Variants in CDH12 observed in about 807,000 individuals in gnomAD.
The protein encoded by CDH12 is cadherin 12.
In CDH12, 41 loss-of-function variants were observed where a neutral mutation model predicts 74.1. That is an observed-to-expected ratio of 0.55 (90% CI 0.43 to 0.72). The LOEUF (loss-of-function observed/expected upper bound fraction) is 0.72, where lower values mean the gene tolerates loss of function less well. Ranked by LOEUF, CDH12 falls within the 30% of genes least tolerant of loss-of-function variation. The probability of loss-of-function intolerance (pLI) is 0.00; values close to 1 mark genes in which losing one functional copy is unlikely to be tolerated. For synonymous variants in CDH12, 399 were observed against 355.0 expected (o/e 1.12, Z -1.39); for missense variants, 945 against 977.2 (o/e 0.97, Z 0.44).
At chr5:22,430,868 G>A (rs1315673223) in intron 2 of CDH12, among the ~76,000 whole-genome samples, 2 of 151,966 alleles carry the variant, frequency 1.3e-5, no homozygotes, top group African/African-American at 4.8e-5. Flanking sequence ...ATCTCTTGCA[G>A]GTTAAAGATT....
At chr5:22,701,986 T>G (rs1742735278) in intron 1 of CDH12, among the ~76,000 whole-genome samples, 1 of 152,158 alleles carries the variant, frequency 6.6e-6, no homozygotes, top group South Asian at 2.1e-4. Context: ...TAACAAAAAT[T>G]TATTACCTGT....
At chr5:21,936,914 A>G (rs1351475033) in intron 6 of CDH12, among the ~76,000 whole-genome samples, 1 of 152,204 alleles carries the variant, frequency 6.6e-6, no homozygotes, top group Admixed American at 6.5e-5. Flanking sequence ...CACCATGATT[A>G]TAAGTTTACT....
intron 3 of CDH12, among the ~76,000 whole-genome samples, chr5:22,243,164 A>G (rs1368029742): frequency 6.6e-6 from 1 of 152,208 alleles, no homozygotes; most frequent in Non-Finnish European, 1.5e-5. Flanking sequence ...ATATGGAACC[A>G]TGAATAGCTA....
chr5:22,582,556 C>G (rs1194375358), intron 1 of CDH12, among the ~76,000 whole-genome samples: 1 of 152,114 alleles, frequency 6.6e-6, no homozygotes, highest in Non-Finnish European at 1.5e-5. Flanking sequence ...CACAGGAGTA[C>G]CTGAGAGCCT....
chr5:21,878,003 G>A (rs1046907093), intron 6 of CDH12, among the ~76,000 whole-genome samples: 1 of 152,222 alleles, frequency 6.6e-6, no homozygotes, highest in South Asian at 2.1e-4. Flanking sequence ...TCAAAGTCAC[G>A]ATGATGCCAC....
intron 5 of CDH12, among the ~76,000 whole-genome samples, chr5:22,063,769 G>A (rs1230232840): frequency 6.6e-6 from 1 of 151,556 alleles, no homozygotes; most frequent in East Asian, 1.9e-4. Context: ...AGATTAGATG[G>A]GCTTCATTCA....
intron 2 of CDH12, among the ~76,000 whole-genome samples, chr5:22,484,779 T>A (rs908527005): frequency 6.6e-6 from 1 of 152,226 alleles, no homozygotes; most frequent in African/African-American, 2.4e-5. Flanking sequence ...AGCAATTGCT[T>A]ATATTGCACA....
chr5:22,382,844 T>A (rs760654760), intron 3 of CDH12, among the ~76,000 whole-genome samples: 10 of 151,522 alleles, frequency 6.6e-5, no homozygotes, highest in East Asian at 1.9e-4. Flanking sequence ...TATTATTATT[T>A]TTTGAGACGG....
intron 6 of CDH12, among the ~76,000 whole-genome samples, chr5:21,881,859 T>C (rs1240336071): frequency 6.6e-6 from 1 of 152,178 alleles, no homozygotes; most frequent in East Asian, 1.9e-4. Flanking sequence ...TTTTTTCTTT[T>C]GTTCTTATTA....
At chr5:22,652,995 C>G (rs944945291) in intron 1 of CDH12, among the ~76,000 whole-genome samples, 1 of 152,136 alleles carries the variant, frequency 6.6e-6, no homozygotes, top group Non-Finnish European at 1.5e-5. Context: ...TGGGGGAACA[C>G]TAAACACTTG....
rs780196600 is a variant in CDH12, at chr5:21,752,153, CGTT to C, written c.1966_1968del (p.Asn656del). On this transcript the variant is annotated inframe_deletion, in exon 15 of 15. Transcript: ENST00000382254. ...CCTCCTTCATCATCGTAATGGATGA[CGTT>C]GTCTCTGATGTCTTCTTTAGAGGTC... is the stretch of plus-strand genomic sequence containing the variant. The C allele has an allele frequency of 1.9e-6, 3 of 1,614,014 alleles. No homozygotes were observed.
At chr5:22,190,377 TATCTATC>T (rs1282984429) in intron 4 of CDH12, among the ~76,000 whole-genome samples, 7 of 152,174 alleles carry the variant, frequency 4.6e-5, no homozygotes, top group Non-Finnish European at 1.0e-4. Flanking sequence ...TCTATCTATC[TATCTATC>T]TATCTATCTA....
At chr5:22,373,716 C>G (rs185577329) in intron 3 of CDH12, among the ~76,000 whole-genome samples, 27 of 152,312 alleles carry the variant, frequency 1.8e-4, no homozygotes, top group African/African-American at 6.3e-4. Flanking sequence ...AGAGACCACA[C>G]TCCTGCATGT....
intron 1 of CDH12, among the ~76,000 whole-genome samples, chr5:22,657,081 C>T (rs1339350712): frequency 6.6e-6 from 1 of 152,076 alleles, no homozygotes; most frequent in Admixed American, 6.5e-5. Flanking sequence ...GCATTACTAC[C>T]TAGGGTTAAA....
intron 10 of CDH12, among the ~76,000 whole-genome samples, chr5:21,784,639 A>G (rs997544753): frequency 1.3e-5 from 2 of 152,204 alleles, no homozygotes; most frequent in African/African-American, 4.8e-5. Flanking sequence ...GCCTGGAACC[A>G]AAGAGAGATC....
chr5:21,794,198 G>A (rs1746654128), intron 10 of CDH12, among the ~76,000 whole-genome samples: 1 of 151,462 alleles, frequency 6.6e-6, no homozygotes, highest in African/African-American at 2.4e-5. Context: ...ACTTTATGGG[G>A]ATTAACCTCT....
At chr5:21,792,016 A>G (rs1273631366) in intron 10 of CDH12, among the ~76,000 whole-genome samples, 1 of 151,998 alleles carries the variant, frequency 6.6e-6, no homozygotes, top group Non-Finnish European at 1.5e-5. Context: ...GCTAATAATG[A>G]CACAGGTCAA....
intron 6 of CDH12, among the ~76,000 whole-genome samples, chr5:21,915,858 G>GTGTGTA (rs1754067447): frequency 6.7e-6 from 1 of 150,004 alleles, no homozygotes; most frequent in African/African-American, 2.5e-5. Context: ...GTGTGTGTGT[G>GTGTGTA]TGTTCATGTA....
intron 3 of CDH12, among the ~76,000 whole-genome samples, chr5:22,217,519 A>C (rs914141817): frequency 4.0e-5 from 6 of 151,740 alleles, no homozygotes; most frequent in African/African-American, 1.4e-4. Context: ...TGTAGACATA[A>C]TTGCTTTGCA....
Sources: allele counts gnomAD v4.1 joint callset (sites outside exome capture counted in the v4.1 genomes callset), GRCh38; gene constraint gnomAD v4.1.1; transcripts MANE v1.5; gene names NCBI Gene and HGNC (gene_info 2026-07-23, HGNC 2026-07-21).